VWA5B2: variants seen among roughly 807,000 people sequenced by gnomAD.
VWA5B2 encodes the protein von Willebrand factor A domain containing 5B2.
A neutral mutation model predicts 118.5 loss-of-function variants in VWA5B2; 93 were observed. That is an observed-to-expected ratio of 0.79 (90% confidence interval 0.66 to 0.93). VWA5B2 has a LOEUF of 0.93. Ranked by LOEUF, VWA5B2 falls within the 40% of genes least tolerant of loss-of-function variation. VWA5B2 has a pLI of 0.00. For missense variants in VWA5B2, 1,546 were observed against 1,672.8 expected, an observed-to-expected ratio of 0.92 and a Z score of 1.32; for synonymous variants, 708 against 716.3, an observed-to-expected ratio of 0.99 and a Z score of 0.19.
rs1577099628 is a variant in VWA5B2 at position 184,242,115 on chromosome 3, T to G, written c.*77T>G. On this transcript the variant is annotated 3_prime_UTR_variant, in exon 20 of 20. Transcript: ENST00000691901. Reference sequence around the variant, plus strand: ...CTGCCGCCCAGGGCTGGCCTCTTGGTGCTGGGAAAGTGTAGGCTGGTGCCA... The same window carrying G: ...CTGCCGCCCAGGGCTGGCCTCTTGGGGCTGGGAAAGTGTAGGCTGGTGCCA... The G allele has an allele frequency of 6.6e-7, 1 of 1,507,588 alleles. No homozygotes were observed. Among genetic ancestry groups the G allele is most frequent in the Non-Finnish European group, 8.9e-7 (1 of 1,125,528 alleles). The allele number at this position is 1,507,588 out of a possible 1,614,324, so 93.4% of individuals were successfully genotyped here.
rs1021369623 is a variant in VWA5B2 at position 184,240,006 on chromosome 3, C to T, written c.2710C>T (p.Arg904Ter). 1.2e-5 allele frequency: 19 copies of T among 1,547,738 alleles called. No individual in the cohort carries two copies. The highest frequency in any genetic ancestry group is 4.1e-5 in the African/African-American group (3 of 72,956). ...VVRDNEQLAL[R>*]GGAETTADRG... ...CCGGGACAATGAGCAGCTGGCCCTCCGAGGAGGGGCAGAGACCACAGCTGA... is the reference window on the plus strand; with the variant it reads ...CCGGGACAATGAGCAGCTGGCCCTCTGAGGAGGGGCAGAGACCACAGCTGA... The change falls in exon 16 of 20, where the codon CGA (arginine) becomes TGA (stop). Residue 904 changes from arginine (R) to a stop codon, truncating the protein, a stop_gained. Transcript: ENST00000691901. LOFTEE classifies it high-confidence loss of function.
chr3:184,232,815 C>G, intron 3 of VWA5B2: 1 of 257,574 alleles, frequency 3.9e-6, no homozygotes. Context: ...AGGGAGATGT[C>G]TATCCACAAG....
Position 184,235,322 on chromosome 3 carries a change from T to C in VWA5B2, c.1101+14T>C, listed in dbSNP as rs1239239130. On this transcript the variant is annotated intron_variant, in intron 8 of 19. Transcript: ENST00000691901. ...GTGGCACACAAGGCCCGTGGGGGTG[T>C]GGTGTGGGCAGGCCTGGGGGTTGGG... 12 of 1,549,870 alleles carry C rather than the reference T, an allele frequency of 7.7e-6. No individual in the cohort carries two copies. The highest frequency in any genetic ancestry group is 9.6e-6 in the Non-Finnish European group (11 of 1,146,242).
Position 184,241,820 on chromosome 3 carries a change from G to C in VWA5B2, c.3511G>C (p.Val1171Leu). ...DLRGRTWATA[V>L]ALAWLEHRCA... Reference sequence around the variant, plus strand: ...GCGGGGCCGGACCTGGGCCACTGCCGTAGCACTCGCCTGGCTGGAGCACCG... The same window carrying C: ...GCGGGGCCGGACCTGGGCCACTGCCCTAGCACTCGCCTGGCTGGAGCACCG... The change falls in exon 20 of 20, where the codon GTA becomes CTA. Residue 1171 changes from valine (V) to leucine (L), a missense_variant. Val to Leu is a conservative substitution (Grantham distance 32). Around this residue, in one of 3 missense-constraint regions of VWA5B2, gnomAD observed 763 missense variants for 766.6 expected, o/e 1.00. Coordinates refer to ENST00000691901, the MANE Select transcript of VWA5B2 (RefSeq NM_001390846.1). This position sits in a 1 kb window ranked among gnomAD's most constrained non-coding sequence, Gnocchi z 5.1. 2.0e-6 allele frequency: 3 copies of C among 1,521,194 alleles called. No homozygotes were observed. Among genetic ancestry groups the C allele is most frequent in the Non-Finnish European group, 2.6e-6 (3 of 1,135,766 alleles). The allele number at this position is 1,521,194 out of a possible 1,614,324, so 94.2% of individuals were successfully genotyped here.
At position 184,236,389 on chromosome 3, in the gene VWA5B2, C is replaced by T. The variant is rs780775535; in HGVS notation, c.1259C>T (p.Pro420Leu). The T allele has an allele frequency of 3.1e-5, 48 of 1,546,228 alleles. No homozygotes were observed. The highest frequency in any genetic ancestry group is 6.0e-5 in the South Asian group (5 of 83,970). The stretch of plus-strand genomic sequence containing the variant: ...GAGAGCATTGAGACCCTGCAGGTTC[C>T]GAGTGGGCCCCCAGACGTGCTGGCT... Reference protein sequence around the residue: ...ICESIETLQVPSGPPDVLAAL... With the variant: ...ICESIETLQVLSGPPDVLAAL... The change falls in exon 10 of 20, where the codon CCG becomes CTG. Residue 420 changes from proline to leucine, a missense_variant. By Grantham distance (98) the Pro-to-Leu change is moderately conservative (BLOSUM62 -3). Around this residue, in one of 3 missense-constraint regions of VWA5B2, gnomAD observed 775 missense variants for 882.3 expected, o/e 0.88. Coordinates refer to ENST00000691901, the MANE Select transcript of VWA5B2 (RefSeq NM_001390846.1).
intron 16 of VWA5B2, 33 bp from the exon 17 acceptor site, chr3:184,240,757 TG>T: frequency 6.5e-7 from 1 of 1,546,970 alleles, no homozygotes; most frequent in Admixed American, 2.0e-5. Context: ...GGGTGGGTGG[TG>T]GGGGCTCCAC....
Position 184,234,303 on chromosome 3 carries a change from C to A in VWA5B2, c.726C>A (p.Ala242=). The change falls in exon 6 of 20, where the codon GCC becomes GCA. Residue 242 remains alanine (A), a synonymous_variant. Transcript: ENST00000691901. Reference sequence around the variant, plus strand: ...CCTCTCATGCTCTGCGGGCAGATGCCCCCCCTCATGCCAGCTCTGCAGCCA... The same window carrying A: ...CCTCTCATGCTCTGCGGGCAGATGCACCCCCTCATGCCAGCTCTGCAGCCA... ...ESPSHALRAD[A]PPHASSAATI... 1 of 1,551,706 alleles carries A rather than the reference C, an allele frequency of 6.4e-7. No homozygotes were observed. The highest frequency in any genetic ancestry group is 8.7e-7 in the Non-Finnish European group (1 of 1,146,998).
intron 8 of VWA5B2, among the ~76,000 whole-genome samples, chr3:184,235,913 C>G (rs1717930258): frequency 6.6e-6 from 1 of 152,064 alleles, no homozygotes; most frequent in Non-Finnish European, 1.5e-5. Flanking sequence ...GAGTCCCACA[C>G]AGTCATGTAT....
chr3:184,236,790 T>C (rs1718049476), intron 11 of VWA5B2, 41 bp downstream of exon 11: 1 of 1,444,760 alleles, frequency 6.9e-7, no homozygotes, highest in African/African-American at 1.4e-5. Context: ...ACCTGGAAGT[T>C]TTTCTCCCAA....
At chr3:184,232,956 C>T (rs748284651) in intron 3 of VWA5B2, 26 of 568,030 alleles carry the variant, frequency 4.6e-5, no homozygotes, top group Non-Finnish European at 8.1e-5. Context: ...GATGTCACTG[C>T]TGCTCTTGCC....
rs549586818 is a variant in VWA5B2, at chr3:184,238,591, G to A, written c.1920G>A (p.Thr640=). The change falls in exon 14 of 20, where the codon ACG becomes ACA. Residue 640 remains threonine, a synonymous_variant. Coordinates refer to ENST00000691901, the MANE Select transcript of VWA5B2 (RefSeq NM_001390846.1). The surrounding 1 kb of genome is among the most constrained non-coding windows in gnomAD (Gnocchi z 5.0). The stretch of plus-strand genomic sequence containing the variant: ...CTGATGCTCTGACAGACCCAGTCAC[G>A]GATCCTGGACCCAACCCCTCTGACA... ...QSTDALTDPV[T]DPGPNPSDTA... 1.7e-5 allele frequency: 27 copies of A among 1,550,530 alleles called. No homozygotes were observed. Among genetic ancestry groups the A allele is most frequent in the East Asian group, 2.4e-5 (1 of 40,892 alleles).
At position 184,239,183 on chromosome 3, in the gene VWA5B2, C is replaced by A. The variant is rs903378572; in HGVS notation, c.2203-211C>A. Among the ~76,000 whole-genome samples, 11 of 152,154 alleles carry A rather than the reference C, an allele frequency of 7.2e-5. No individual in the cohort carries two copies. Among genetic ancestry groups the A allele is most frequent in the African/African-American group, 2.7e-4 (11 of 41,422 alleles). ...AAAATACAGAGACAAGCAACAACCACAAGTGGGAAATAGGGAGTGGAGTGG... is the reference window on the plus strand; with the variant it reads ...AAAATACAGAGACAAGCAACAACCAAAAGTGGGAAATAGGGAGTGGAGTGG... On this transcript the variant is annotated intron_variant, in intron 14 of 19. Transcript: ENST00000691901. This position sits in a 1 kb window ranked among gnomAD's most constrained non-coding sequence, Gnocchi z 5.1.
In VWA5B2 at chr3:184,241,527, A is replaced by T. The variant is rs1430468554; in HGVS notation, c.3218A>T (p.Asp1073Val). The change falls in exon 20 of 20, where the codon GAC (aspartate) becomes GTC (valine). Residue 1073 changes from aspartate (D) to valine (V), a missense_variant. By Grantham distance (152) the Asp-to-Val change is radical. This residue lies in a region of VWA5B2 where 763 missense variants were observed against 766.6 expected (regional missense o/e 1.00). Transcript: ENST00000691901. The surrounding 1 kb of genome is among the most constrained non-coding windows in gnomAD (Gnocchi z 5.1). ...GAGGCACCAGGCTCCTTCCGCCTGG[A>T]CGCGCCCTTCTGCGCCGCTGTGCGC... ...LQEAPGSFRL[D>V]APFCAAVRIS... 1 of 1,550,164 alleles carries T rather than the reference A, an allele frequency of 6.5e-7. No individual in the cohort carries two copies. The highest frequency in any genetic ancestry group is 2.0e-5 in the Admixed American group (1 of 51,108).
chr3:184,242,026 A>G lies in VWA5B2; in HGVS notation c.3717A>G (p.Pro1239=). The G allele has an allele frequency of 6.5e-7, 1 of 1,549,708 alleles. No homozygotes were observed. The highest frequency in any genetic ancestry group is 1.2e-5 in the South Asian group (1 of 84,030). Residue 1239 remains proline, a synonymous_variant, in exon 20 of 20, where the codon CCA becomes CCG. Coordinates refer to ENST00000691901, the MANE Select transcript of VWA5B2 (RefSeq NM_001390846.1). ...NLQLHLLCYS[P]ANV is the part of the protein sequence containing the mutation. ...AGCTACACCTGCTGTGCTACAGCCC[A>G]GCGAACGTGTGAAGGCTGCCCCCTG...
intron 7 of VWA5B2, 109 bp from the exon 8 acceptor site, chr3:184,235,044 C>T (rs1717823598): frequency 7.5e-7 from 1 of 1,326,672 alleles, no homozygotes; most frequent in Middle Eastern, 1.9e-4. Flanking sequence ...AAAAGATGTC[C>T]CCTCTGGGTG....
rs940392403 is a variant in VWA5B2, at chr3:184,233,120, G to T, written c.311-58G>T. On this transcript the variant is annotated intron_variant, in intron 3 of 19. Coordinates refer to ENST00000691901, the MANE Select transcript of VWA5B2 (RefSeq NM_001390846.1). This position sits in a 1 kb window ranked among gnomAD's most constrained non-coding sequence, Gnocchi z 5.2. ...GACCCAATGCCTGCTTCCACATCTA[G>T]CTTCCTCCCTCTCCTCTGCTTCCAG... 14 of 1,477,534 alleles carry T rather than the reference G, an allele frequency of 9.5e-6. No individual in the cohort carries two copies. Among genetic ancestry groups the T allele is most frequent in the Non-Finnish European group, 1.3e-5 (14 of 1,095,676 alleles). 91.5% of individuals were successfully genotyped at this position (1,477,534 alleles called of 1,614,324 possible).
intron 11 of VWA5B2, 90 bp downstream of exon 11, chr3:184,236,839 T>C (rs574103834): frequency 2.7e-6 from 3 of 1,129,186 alleles, no homozygotes; most frequent in African/African-American, 1.6e-5. Flanking sequence ...AGGCAGGCCA[T>C]GGGGGCTCCT....
In VWA5B2 at chr3:184,233,361, CG is replaced by C; in HGVS notation, c.498del (p.Arg169GlyfsTer54). ...VLTPLAPPGP[P>X]GPPRPPGLCD... Reference sequence around the variant, plus strand: ...ACCCCGCTGGCCCCGCCAGGCCCGCCGGGGCCCCCCAGGCCTCCGGGGCTCT... The same window carrying C: ...ACCCCGCTGGCCCCGCCAGGCCCGCCGGGCCCCCCAGGCCTCCGGGGCTCT... On this transcript the variant is annotated frameshift_variant, in exon 4 of 20. Coordinates refer to ENST00000691901, the MANE Select transcript of VWA5B2 (RefSeq NM_001390846.1). LOFTEE classifies it high-confidence loss of function. This position sits in a 1 kb window ranked among gnomAD's most constrained non-coding sequence, Gnocchi z 5.2. 1 of 1,540,070 alleles carries C rather than the reference CG, an allele frequency of 6.5e-7. No homozygotes were observed.
rs1319934130 is a variant in VWA5B2, at chr3:184,236,538, A to G, written c.1408A>G (p.Arg470Gly). Residue 470 changes from arginine (R) to glycine (G), a missense_variant, in exon 10 of 20, where the codon AGG (arginine) becomes GGG (glycine). Around this residue, in one of 3 missense-constraint regions of VWA5B2, gnomAD observed 775 missense variants for 882.3 expected, o/e 0.88. Transcript: ENST00000691901. The stretch of plus-strand genomic sequence containing the variant: ...AACCCTGGAGCTCATGAGGTGGCAC[A>G]GGGGGACAGCCAGGTATGGGATGGG... Reference protein sequence around the residue: ...HRTLELMRWHRGTARCFSFGL... With the variant: ...HRTLELMRWHGGTARCFSFGL... 1.3e-6 allele frequency: 2 copies of G among 1,550,526 alleles called. No individual in the cohort carries two copies. The highest frequency in any genetic ancestry group is 8.7e-7 in the Non-Finnish European group (1 of 1,146,906).
Sources: allele counts gnomAD v4.1 joint callset (sites outside exome capture counted in the v4.1 genomes callset), GRCh38; gene constraint gnomAD v4.1.1; regional missense constraint gnomAD v4.1.1; non-coding constraint Gnocchi (gnomAD v3.1); transcripts MANE v1.5; gene names NCBI Gene and HGNC (gene_info 2026-07-23, HGNC 2026-07-21).